Variants in FBXL5 observed in about 807,000 individuals in gnomAD.
The protein encoded by FBXL5 is F-box/LRR-repeat protein 5.
Under a neutral mutation model 78.3 loss-of-function variants are expected in FBXL5, and 26 were observed. That is an observed-to-expected ratio of 0.33 (90% CI 0.24 to 0.46). FBXL5 has a LOEUF of 0.46. Ranked by LOEUF, FBXL5 falls within the 20% of genes least tolerant of loss-of-function variation. The pLI, the probability that FBXL5 is intolerant of heterozygous loss-of-function variation, is 1.00. For synonymous variants in FBXL5, 295 were observed against 282.5 expected, an observed-to-expected ratio of 1.04 and a Z score of -0.45; for missense variants, 710 against 829.2, an observed-to-expected ratio of 0.86 and a Z score of 1.77.
chr4:15,619,401 C>G (rs1035956100), intron 9 of FBXL5, among the ~76,000 whole-genome samples: 3 of 151,956 alleles, frequency 2.0e-5, no homozygotes, highest in African/African-American at 7.3e-5. Context: ...AATCAACCAA[C>G]AAATCACACA....
chr4:15,669,424 C>T (rs536401951), intron 1 of FBXL5, among the ~76,000 whole-genome samples: 2 of 152,216 alleles, frequency 1.3e-5, no homozygotes, highest in South Asian at 4.1e-4. Context: ...CATTATATAT[C>T]AAACAACAGA....
Position 15,626,864 on chromosome 4 carries a change from A to G in FBXL5, c.1124+9T>C, listed in dbSNP as rs779609541. Reference sequence around the variant, plus strand: ...TTTCATTATATTTAAATTGTTTAAAATAACTAACCTGTCAAATGCAGAATC... The same window carrying G: ...TTTCATTATATTTAAATTGTTTAAAGTAACTAACCTGTCAAATGCAGAATC... On this transcript the variant is annotated intron_variant, in intron 8 of 10. Transcript: ENST00000341285. 2 of 1,578,932 alleles carry G rather than the reference A, an allele frequency of 1.3e-6. No homozygotes were observed. The highest frequency in any genetic ancestry group is 1.7e-5 in the Admixed American group (1 of 57,772).
intron 10 of FBXL5, among the ~76,000 whole-genome samples, chr4:15,609,214 T>C (rs1037834009): frequency 6.6e-5 from 10 of 151,822 alleles, no homozygotes; most frequent in African/African-American, 2.4e-4. Flanking sequence ...AGAACCCAAA[T>C]GGTTAAGATA....
intron 9 of FBXL5, among the ~76,000 whole-genome samples, chr4:15,617,001 A>C (rs957089387): frequency 1.8e-4 from 28 of 152,342 alleles, no homozygotes; most frequent in African/African-American, 6.0e-4. Context: ...GTGGAGAAAA[A>C]GCAATGTTTT....
At chr4:15,633,228 A>G (rs1713870577) in intron 5 of FBXL5, among the ~76,000 whole-genome samples, 1 of 152,238 alleles carries the variant, frequency 6.6e-6, no homozygotes, top group South Asian at 2.1e-4. Flanking sequence ...AAAAATGTAC[A>G]GAGTCTGCTA....
At chr4:15,613,021 C>A (rs915296013) in intron 9 of FBXL5, among the ~76,000 whole-genome samples, 4 of 152,110 alleles carry the variant, frequency 2.6e-5, no homozygotes, top group Non-Finnish European at 4.4e-5. Flanking sequence ...TCTGCAGCCA[C>A]AAAGTACTGA....
In FBXL5 at chr4:15,644,536, G is replaced by C. The variant is rs753447710; in HGVS notation, c.257C>G (p.Ser86Cys). Residue 86 changes from serine to cysteine, a missense_variant, in exon 2 of 11, where the codon TCC (serine) becomes TGC (cysteine). Ser to Cys is a moderately radical substitution (Grantham distance 112). Transcript: ENST00000341285. ...IYNVHSDNKL[S>C]EMLSLFEKGL... ...CTTTTCAAAGAGGCTAAGCATCTCG[G>C]AGAGTTTATTGTCAGAATGTACATT... The C allele has an allele frequency of 1.5e-5, 24 of 1,613,812 alleles. No individual in the cohort carries two copies. In the Middle Eastern group the frequency reaches 8.2e-4, roughly 55 times the overall value.
chr4:15,672,247 C>T (rs1235138561), intron 1 of FBXL5, among the ~76,000 whole-genome samples: 1 of 152,206 alleles, frequency 6.6e-6, no homozygotes. Context: ...CCCAATGCTC[C>T]GTGAATGAGG....
chr4:15,649,920 A>G (rs1192797966), intron 1 of FBXL5, among the ~76,000 whole-genome samples: 1 of 152,208 alleles, frequency 6.6e-6, no homozygotes, highest in Non-Finnish European at 1.5e-5. Flanking sequence ...CCAAGTCCCT[A>G]AAACTCTAAC....
chr4:15,630,426 C>A (rs1052617820), intron 6 of FBXL5, among the ~76,000 whole-genome samples: 1 of 151,984 alleles, frequency 6.6e-6, no homozygotes, highest in African/African-American at 2.4e-5. Context: ...AAAAAAGGTA[C>A]CATTTTCTGA....
intron 1 of FBXL5, among the ~76,000 whole-genome samples, chr4:15,647,241 A>G (rs1715464587): frequency 7.5e-6 from 1 of 133,520 alleles, no homozygotes; most frequent in Non-Finnish European, 1.5e-5. Flanking sequence ...AAAAAAAAAA[A>G]AAGAAAGAAA....
At chr4:15,640,562 G>T (rs1406154740) in intron 3 of FBXL5, among the ~76,000 whole-genome samples, 1 of 151,740 alleles carries the variant, frequency 6.6e-6, no homozygotes, top group African/African-American at 2.4e-5. Context: ...TATTTCCTGA[G>T]TAAATTAATT....
chr4:15,652,802 A>G (rs1356592970), intron 1 of FBXL5, among the ~76,000 whole-genome samples: 2 of 152,330 alleles, frequency 1.3e-5, no homozygotes, highest in East Asian at 3.9e-4. Context: ...TCAGAGCCCA[A>G]ATTTGTACAG....
At chr4:15,642,077 T>C (rs914408503) in intron 2 of FBXL5, among the ~76,000 whole-genome samples, 1 of 151,744 alleles carries the variant, frequency 6.6e-6, no homozygotes, top group South Asian at 2.1e-4. Flanking sequence ...TATATCAATA[T>C]CAACACTTCT....
At chr4:15,617,769 T>G (rs1712058293) in intron 9 of FBXL5, among the ~76,000 whole-genome samples, 1 of 152,140 alleles carries the variant, frequency 6.6e-6, no homozygotes, top group Non-Finnish European at 1.5e-5. Flanking sequence ...AGAACACATG[T>G]ACACATGGAA....
In FBXL5 at chr4:15,625,341, A is replaced by G. The variant is rs549078961; in HGVS notation, c.1761T>C (p.Phe587=). 2.1e-5 allele frequency: 34 copies of G among 1,614,214 alleles called. No individual in the cohort carries two copies. The highest frequency in any genetic ancestry group is 4.0e-5 in the African/African-American group (3 of 75,068). ...TCTCTTGATCAGATTTTTCACTCCC[A>G]AAGTAAATTAAGTCTTTTCCCCTAG... The part of the protein sequence containing the change: ...RLPRGKDLIY[F]GSEKSDQETG... The change falls in exon 9 of 11, where the codon TTT becomes TTC. Residue 587 remains phenylalanine, a synonymous_variant. Transcript: ENST00000341285.
At chr4:15,627,216 C>G (rs1713163519) in intron 7 of FBXL5, among the ~76,000 whole-genome samples, 1 of 149,528 alleles carries the variant, frequency 6.7e-6, no homozygotes, top group East Asian at 2.0e-4. Flanking sequence ...CTCACTGCAA[C>G]CTCCGCCTTC....
In FBXL5 at chr4:15,630,711, G is replaced by A. The variant is rs899990946; in HGVS notation, c.847C>T (p.Arg283Cys). The change falls in exon 6 of 11, where the codon CGT becomes TGT. Residue 283 changes from arginine to cysteine, a missense_variant. Coordinates refer to ENST00000341285, the MANE Select transcript of FBXL5 (RefSeq NM_012161.4). Reference sequence around the variant, plus strand: ...TCTTCATCCCACTCATGAAAAGCACGACTTTCATCTTTCCTATTTTTCACC... The same window carrying A: ...TCTTCATCCCACTCATGAAAAGCACAACTTTCATCTTTCCTATTTTTCACC... ...EWVKNRKDES[R>C]AFHEWDEDAD... The A allele has an allele frequency of 3.7e-6, 6 of 1,601,922 alleles. No individual in the cohort carries two copies. Among genetic ancestry groups the A allele is most frequent in the Admixed American group, 3.5e-5 (2 of 56,716 alleles).
At chr4:15,668,897 C>T (rs961518648) in intron 1 of FBXL5, among the ~76,000 whole-genome samples, 2 of 152,130 alleles carry the variant, frequency 1.3e-5, no homozygotes, top group Non-Finnish European at 2.9e-5. Flanking sequence ...TAAAAACTAT[C>T]CAGAGTGACA....
Sources: allele counts gnomAD v4.1 joint callset (sites outside exome capture counted in the v4.1 genomes callset), GRCh38; gene constraint gnomAD v4.1.1; transcripts MANE v1.5; gene names NCBI Gene and HGNC (gene_info 2026-07-23, HGNC 2026-07-21).